EVA1C: variants seen among roughly 807,000 people sequenced by gnomAD.
EVA1C encodes eva-1 homolog C.
Under a neutral mutation model 45.4 loss-of-function variants are expected in EVA1C, and 25 were observed. That is an observed-to-expected ratio of 0.55 (90% CI 0.40 to 0.77). The LOEUF (loss-of-function observed/expected upper bound fraction) is 0.77. EVA1C is among the 30% of genes least tolerant of loss of function. The pLI, the probability that EVA1C is intolerant of heterozygous loss-of-function variation, is 0.00. For missense variants in EVA1C, 479 were observed against 554.8 expected, an observed-to-expected ratio of 0.86 and a Z score of 1.37; for synonymous variants, 190 against 221.2, an observed-to-expected ratio of 0.86 and a Z score of 1.25.
chr21:32,457,240 C>G (rs2035817579), intron 2 of EVA1C, among the ~76,000 whole-genome samples: 2 of 152,164 alleles, frequency 1.3e-5, no homozygotes, highest in African/African-American at 4.8e-5. Context: ...TCGAAGGGGA[C>G]CCTGAAGTAC....
chr21:32,507,384 G>T (rs902710099), intron 7 of EVA1C, among the ~76,000 whole-genome samples: 2 of 149,230 alleles, frequency 1.3e-5, no homozygotes, highest in Non-Finnish European at 1.5e-5. Context: ...GTGCATGTGT[G>T]CATGTGCGTC....
intron 3 of EVA1C, among the ~76,000 whole-genome samples, chr21:32,460,616 C>T (rs762055082): frequency 5.1e-4 from 78 of 152,134 alleles, no homozygotes; most frequent in Non-Finnish European, 6.8e-4. Flanking sequence ...CAGGTGAGCA[C>T]GTCCTCGGTA....
At chr21:32,422,036 C>A (rs1601204762) in intron 1 of EVA1C, among the ~76,000 whole-genome samples, 5 of 108,332 alleles carry the variant, frequency 4.6e-5, no homozygotes, top group Admixed American at 4.4e-4. Flanking sequence ...CAGAGCAAGA[C>A]CCTGTCTCAA....
intron 1 of EVA1C, among the ~76,000 whole-genome samples, chr21:32,438,558 C>T (rs1316942156): frequency 1.3e-5 from 2 of 150,044 alleles, no homozygotes; most frequent in Middle Eastern, 3.6e-3. Context: ...GAGCTGAAAG[C>T]AAAAGGCAGA....
Position 32,462,221 on chromosome 21 carries a change from T to TAAAAAAAA in EVA1C, c.481+4514_481+4521dup, listed in dbSNP as rs769281297. 6.6e-4 allele frequency among the ~76,000 whole-genome samples: 70 copies of TAAAAAAAA among 106,334 alleles called. No homozygotes were observed. In the Middle Eastern group the frequency reaches 0.016, roughly 24 times the overall value. The allele number at this position is 106,334 out of a possible 152,430, so 69.8% of individuals were successfully genotyped here. On this transcript the variant is annotated intron_variant, in intron 3 of 7. Coordinates refer to ENST00000300255, the MANE Select transcript of EVA1C (RefSeq NM_058187.5). ...GGTAACATAGGGAGACCCCTATCTC[T>TAAAAAAAA]AAAAAAAAAAAAAAAAAAAACAATT... is the stretch of plus-strand genomic sequence containing the variant.
chr21:32,454,641 T>A (rs991618051), intron 2 of EVA1C, among the ~76,000 whole-genome samples: 2 of 152,060 alleles, frequency 1.3e-5, no homozygotes, highest in African/African-American at 4.8e-5. Flanking sequence ...ATGAATACAT[T>A]TAAAGCAGGG....
intron 4 of EVA1C, among the ~76,000 whole-genome samples, chr21:32,470,897 T>C (rs1028659569): frequency 1.3e-5 from 2 of 152,010 alleles, no homozygotes; most frequent in African/African-American, 4.8e-5. Flanking sequence ...TAGCTGGGAT[T>C]ACAGGCGCCC....
intron 1 of EVA1C, among the ~76,000 whole-genome samples, chr21:32,416,221 T>G (rs759595191): frequency 1.8e-3 from 270 of 152,200 alleles, no homozygotes; most frequent in Middle Eastern, 3.4e-3. Flanking sequence ...TGTGTGTGTG[T>G]GTGTGTGCTT....
intron 4 of EVA1C, 63 bp downstream of exon 4, chr21:32,467,911 T>TAG: frequency 9.7e-7 from 1 of 1,033,412 alleles, no homozygotes; most frequent in Non-Finnish European, 1.3e-6. Flanking sequence ...ATAGAATATA[T>TAG]ATATATATAT....
At chr21:32,475,960 C>G (rs7275531) in intron 4 of EVA1C, among the ~76,000 whole-genome samples, 163 of 151,944 alleles carry the variant, frequency 1.1e-3, no homozygotes, top group African/African-American at 3.6e-3. Context: ...TGTGGTTTCC[C>G]TGCAACGCTG....
At chr21:32,514,485 G>A (rs898043619) in intron 7 of EVA1C, among the ~76,000 whole-genome samples, 9 of 152,126 alleles carry the variant, frequency 5.9e-5, no homozygotes, top group African/African-American at 1.9e-4. Context: ...GGAAACTAAG[G>A]CACAGAAAGG....
At chr21:32,413,347 C>T (rs754314902) in intron 1 of EVA1C, among the ~76,000 whole-genome samples, 1 of 152,240 alleles carries the variant, frequency 6.6e-6, no homozygotes, top group Non-Finnish European at 1.5e-5. Flanking sequence ...CCGCGCCCAG[C>T]GCTGTAAAAT....
chr21:32,447,866 C>T (rs1410158864), intron 1 of EVA1C, among the ~76,000 whole-genome samples: 5 of 152,022 alleles, frequency 3.3e-5, no homozygotes, highest in East Asian at 1.9e-4. Flanking sequence ...CCACCACGTC[C>T]GGCTAATTTT....
chr21:32,425,282 C>A (rs1439709892), intron 1 of EVA1C, among the ~76,000 whole-genome samples: 5 of 140,406 alleles, frequency 3.6e-5, no homozygotes, highest in African/African-American at 1.1e-4. Flanking sequence ...TTATAGTGAG[C>A]CGAGATCACG....
chr21:32,513,017 T>G (rs1296038804), intron 7 of EVA1C, among the ~76,000 whole-genome samples: 1 of 151,320 alleles, frequency 6.6e-6, no homozygotes, highest in Non-Finnish European at 1.5e-5. Context: ...TAGTAAGTAT[T>G]ATAATACTTA....
chr21:32,496,426 A>G (rs1371217606), intron 5 of EVA1C, among the ~76,000 whole-genome samples: 2 of 152,202 alleles, frequency 1.3e-5, no homozygotes, highest in East Asian at 1.9e-4. Flanking sequence ...CAATGCTGCA[A>G]TAGATATGAT....
chr21:32,466,725 G>T (rs2036188321), intron 3 of EVA1C, among the ~76,000 whole-genome samples: 3 of 151,926 alleles, frequency 2.0e-5, no homozygotes, highest in African/African-American at 7.3e-5. Context: ...GACTTTTCAT[G>T]CTTCTCTAAA....
chr21:32,431,780 G>A (rs4817489), intron 1 of EVA1C, among the ~76,000 whole-genome samples: 20,295 of 152,156 alleles, frequency 0.13, 1,489 homozygotes, highest in East Asian at 0.24. Context: ...CTAAGTGGCA[G>A]ATAAGTTATC....
chr21:32,482,311 C>G (rs751575847), intron 4 of EVA1C, among the ~76,000 whole-genome samples: 9 of 152,110 alleles, frequency 5.9e-5, no homozygotes, highest in Non-Finnish European at 1.2e-4. Context: ...GCAGTTGCCT[C>G]GTACAGACCT....
Sources: allele counts gnomAD v4.1 joint callset (sites outside exome capture counted in the v4.1 genomes callset), GRCh38; gene constraint gnomAD v4.1.1; transcripts MANE v1.5; gene names NCBI Gene and HGNC (gene_info 2026-07-23, HGNC 2026-07-21).